Variants in MBP observed in about 807,000 individuals in gnomAD.
The protein encoded by MBP is myelin basic protein, also known as Golli-MBP.
In MBP, 16 loss-of-function variants were observed where a neutral mutation model predicts 35.8. The observed-to-expected ratio is 0.45, with a 90% CI of 0.30 to 0.68. The LOEUF (loss-of-function observed/expected upper bound fraction) is 0.68. Ranked by LOEUF, MBP falls within the 30% of genes least tolerant of loss-of-function variation. The probability of loss-of-function intolerance (pLI) is 0.08; values close to 1 mark genes in which losing one functional copy is unlikely to be tolerated. For synonymous variants in MBP, 143 were observed against 159.6 expected (o/e 0.90, Z 0.78); for missense variants, 380 against 404.7 (o/e 0.94, Z 0.52).
chr18:77,028,610 G>A (rs759487958), intron 3 of MBP, among the ~76,000 whole-genome samples: 34 of 69,926 alleles, frequency 4.9e-4, no homozygotes, highest in South Asian at 1.1e-3. Context: ...GCGGCTGGCC[G>A]GGCGGGGGGC....
intron 2 of MBP, among the ~76,000 whole-genome samples, chr18:77,094,008 G>C (rs1274382656): frequency 6.8e-6 from 1 of 146,758 alleles, no homozygotes; most frequent in Admixed American, 7.0e-5. Context: ...ACGGAGTCTC[G>C]CTCTGTCGCC....
At chr18:77,077,965 G>A (rs547012276) in intron 2 of MBP, among the ~76,000 whole-genome samples, 3 of 152,240 alleles carry the variant, frequency 2.0e-5, no homozygotes, top group African/African-American at 4.8e-5. Context: ...GATTATCCCC[G>A]GGCCATCCTC....
intron 4 of MBP, among the ~76,000 whole-genome samples, chr18:77,001,091 G>T (rs1970605268): frequency 1.3e-5 from 2 of 152,216 alleles, no homozygotes; most frequent in African/African-American, 4.8e-5. Flanking sequence ...GTGAGTTTAT[G>T]GTTCTGAGCC....
chr18:77,037,240 G>T (rs1436851105), intron 3 of MBP, among the ~76,000 whole-genome samples: 1 of 149,662 alleles, frequency 6.7e-6, no homozygotes, highest in East Asian at 2.0e-4. Context: ...AGACTGAGCT[G>T]AGCAAGTGCT....
At chr18:77,076,425 C>T (rs557390297) in intron 2 of MBP, among the ~76,000 whole-genome samples, 1 of 152,372 alleles carries the variant, frequency 6.6e-6, no homozygotes, top group East Asian at 1.9e-4. Flanking sequence ...GCAGCTTCCC[C>T]TGGCCCAGCT....
At chr18:77,028,731 G>A (rs1362425422) in intron 3 of MBP, among the ~76,000 whole-genome samples, 3 of 98,898 alleles carry the variant, frequency 3.0e-5, no homozygotes, top group African/African-American at 8.3e-5. Flanking sequence ...CGGACGGGGC[G>A]GCTGGCCAGG....
intron 3 of MBP, among the ~76,000 whole-genome samples, chr18:77,046,624 A>G (rs978779996): frequency 2.0e-5 from 3 of 152,156 alleles, no homozygotes; most frequent in African/African-American, 4.8e-5. Context: ...GGCCGGGCCG[A>G]CCCTTTCAGA....
At chr18:76,986,725 T>G (rs1969578915) in intron 7 of MBP, 2 of 985,412 alleles carry the variant, frequency 2.0e-6, no homozygotes, top group South Asian at 4.7e-5. Flanking sequence ...TGGCTCTACA[T>G]GGCAGAAAGC....
intron 3 of MBP, among the ~76,000 whole-genome samples, chr18:77,031,452 G>A (rs530099083): frequency 6.6e-6 from 1 of 152,326 alleles, no homozygotes; most frequent in South Asian, 2.1e-4. Context: ...TCAGGAACAC[G>A]TGAAGAAAGC....
At position 76,984,795 on chromosome 18, in the gene MBP, G is replaced by A. The variant is rs1474874825; in HGVS notation, c.850C>T (p.Leu284Phe). The change falls in exon 8 of 9, where the codon CTT (leucine) becomes TTT (phenylalanine). Residue 284 changes from leucine to phenylalanine, a missense_variant. Leu to Phe is a conservative substitution (Grantham distance 22). Coordinates refer to ENST00000355994, the MANE Select transcript of MBP (RefSeq NM_001025101.2). ...CTTACCAGCTTAAAAATTTTGGAAA[G>A]CGTGCCCTGGGCATCGACTCCCTTG... is the stretch of plus-strand genomic sequence containing the variant. Reference protein sequence around the residue: ...GFKGVDAQGTLSKIFKLGGRD... With the variant: ...GFKGVDAQGTFSKIFKLGGRD... 6.2e-7 allele frequency: 1 copy of A among 1,613,922 alleles called. No individual in the cohort carries two copies. The highest frequency in any genetic ancestry group is 8.5e-7 in the Non-Finnish European group (1 of 1,180,036).
chr18:77,018,835 T>C (rs1221142186), intron 3 of MBP, among the ~76,000 whole-genome samples: 1 of 147,540 alleles, frequency 6.8e-6, no homozygotes, highest in East Asian at 2.1e-4. Flanking sequence ...CATCCATATA[T>C]CCACCCATCC....
At chr18:77,014,214 A>T in intron 4 of MBP, 5 of 985,448 alleles carry the variant, frequency 5.1e-6, no homozygotes, top group Non-Finnish European at 6.0e-6. Context: ...TCCCAGCAAC[A>T]CAAGCATGGG....
chr18:77,045,020 G>A (rs1446952848), intron 3 of MBP, among the ~76,000 whole-genome samples: 1 of 151,978 alleles, frequency 6.6e-6, no homozygotes, highest in Non-Finnish European at 1.5e-5. Context: ...GATACACACA[G>A]ATGTACTGAT....
chr18:77,048,666 G>A (rs1411252202), intron 3 of MBP, among the ~76,000 whole-genome samples: 2 of 152,064 alleles, frequency 1.3e-5, no homozygotes, highest in African/African-American at 4.8e-5. Context: ...GTTTCACCAT[G>A]TTGGTCAGGC....
At chr18:77,045,456 C>A (rs1425371999) in intron 3 of MBP, among the ~76,000 whole-genome samples, 4 of 151,982 alleles carry the variant, frequency 2.6e-5, no homozygotes, top group Admixed American at 2.6e-4. Flanking sequence ...TCTGAACTGA[C>A]CCGCTGCAGC....
At chr18:77,130,685 GTTTT>G (rs71999921) in intron 1 of MBP, among the ~76,000 whole-genome samples, 4 of 146,044 alleles carry the variant, frequency 2.7e-5, no homozygotes, top group Admixed American at 1.4e-4. Context: ...TTGGTCTCTT[GTTTT>G]TTTTTTTTCT....
intron 1 of MBP, among the ~76,000 whole-genome samples, chr18:77,122,727 G>A (rs1976928132): frequency 6.6e-6 from 1 of 152,108 alleles, no homozygotes; most frequent in Non-Finnish European, 1.5e-5. Flanking sequence ...ATTTTCAGTA[G>A]AGACAGGGTT....
chr18:77,053,199 C>T (rs953531203), intron 3 of MBP, among the ~76,000 whole-genome samples: 8 of 152,164 alleles, frequency 5.3e-5, no homozygotes, highest in Admixed American at 6.5e-5. Context: ...TGAGGGTGGC[C>T]GCATCTGCAG....
intron 3 of MBP, 137 bp from the exon 4 acceptor site, chr18:77,017,405 G>C: frequency 1.4e-6 from 1 of 730,098 alleles, no homozygotes; most frequent in Non-Finnish European, 2.0e-6. Context: ...AAAGCCCTTG[G>C]CCTAGGATGG....
Sources: allele counts gnomAD v4.1 joint callset (sites outside exome capture counted in the v4.1 genomes callset), GRCh38; gene constraint gnomAD v4.1.1; transcripts MANE v1.5; gene names NCBI Gene and HGNC (gene_info 2026-07-23, HGNC 2026-07-21).